The following CERS6 variants were observed in gnomAD, a reference collection of about 807,000 sequenced individuals.
CERS6 encodes ceramide synthase 6, also known as LAG1 homolog, ceramide synthase 6.
In CERS6, 26 loss-of-function variants were observed where a neutral mutation model predicts 56.8. The ratio of observed to expected loss-of-function variants is 0.46; its 90% confidence interval spans 0.34 to 0.63. CERS6 has a LOEUF of 0.63. Ranked by LOEUF, CERS6 falls within the 30% of genes least tolerant of loss-of-function variation. The pLI is 0.01. For synonymous variants in CERS6, 164 were observed against 173.3 expected (o/e 0.95, Z 0.42); for missense variants, 415 against 467.5 (o/e 0.89, Z 1.04).
chr2:168,519,055 A>G (rs796668948), intron 1 of CERS6, among the ~76,000 whole-genome samples: 15 of 152,258 alleles, frequency 9.9e-5, no homozygotes, highest in African/African-American at 3.6e-4. Flanking sequence ...AAAATCCTCC[A>G]GGAGATTGTG....
intron 1 of CERS6, among the ~76,000 whole-genome samples, chr2:168,505,172 TAG>T (rs1036154610): frequency 6.6e-6 from 1 of 151,762 alleles, no homozygotes; most frequent in Non-Finnish European, 1.5e-5. Context: ...GCCCAGGATT[TAG>T]AGAGAGAAGC....
At chr2:168,568,111 A>C (rs1392871740) in intron 3 of CERS6, among the ~76,000 whole-genome samples, 1 of 152,224 alleles carries the variant, frequency 6.6e-6, no homozygotes, top group Non-Finnish European at 1.5e-5. Context: ...TAAGGAAAAG[A>C]GATTTTTGCT....
At chr2:168,638,954 GT>G (rs1252469326) in intron 4 of CERS6, among the ~76,000 whole-genome samples, 34 of 152,050 alleles carry the variant, frequency 2.2e-4, no homozygotes, top group African/African-American at 8.0e-4. Flanking sequence ...TTATACAAGA[GT>G]TTCTGGATTT....
intron 6 of CERS6, among the ~76,000 whole-genome samples, chr2:168,699,084 G>A (rs1686740399): frequency 6.6e-6 from 1 of 152,178 alleles, no homozygotes; most frequent in African/African-American, 2.4e-5. Context: ...TTAGGGAGCT[G>A]CAGTGCTTGC....
At chr2:168,653,910 A>G (rs1461062656) in intron 4 of CERS6, among the ~76,000 whole-genome samples, 1 of 152,194 alleles carries the variant, frequency 6.6e-6, no homozygotes, top group African/African-American at 2.4e-5. Flanking sequence ...TCATATTAAT[A>G]TTGGAAAGAA....
intron 2 of CERS6, among the ~76,000 whole-genome samples, chr2:168,560,208 T>A (rs1410175483): frequency 2.6e-5 from 4 of 152,162 alleles, no homozygotes; most frequent in African/African-American, 9.7e-5. Context: ...TTGTGAGACT[T>A]ATTCACAATC....
chr2:168,609,048 T>G (rs900362762), intron 3 of CERS6, among the ~76,000 whole-genome samples: 1 of 152,270 alleles, frequency 6.6e-6, no homozygotes. Context: ...GTGCCAGGTT[T>G]ACCTGCTGCC....
Position 168,456,460 on chromosome 2 carries a change from C to A in CERS6, c.12C>A (p.Ile4=). The A allele has an allele frequency of 6.2e-7, 1 of 1,613,596 alleles. No homozygotes were observed. Among genetic ancestry groups the A allele is most frequent in the Non-Finnish European group, 8.5e-7 (1 of 1,179,680 alleles). MAG[I]LAWFWNERFW... The stretch of plus-strand genomic sequence containing the variant: ...GTGGACAAAGCAAGATGGCAGGGAT[C>A]TTAGCCTGGTTCTGGAACGAGAGGT... The change falls in exon 1 of 10, where the codon ATC becomes ATA. Residue 4 remains isoleucine (I), a synonymous_variant. Transcript: ENST00000305747. This position sits in a 1 kb window ranked among gnomAD's most constrained non-coding sequence, Gnocchi z 4.1.
intron 1 of CERS6, among the ~76,000 whole-genome samples, chr2:168,495,294 G>A (rs966014375): frequency 1.3e-5 from 2 of 152,150 alleles, no homozygotes; most frequent in Admixed American, 6.5e-5. Flanking sequence ...ACCATTCTCC[G>A]CTGAACCTGT....
intron 1 of CERS6, among the ~76,000 whole-genome samples, chr2:168,533,397 T>C (rs1439440987): frequency 6.6e-6 from 1 of 152,224 alleles, no homozygotes; most frequent in Non-Finnish European, 1.5e-5. Context: ...TAGATTGGAA[T>C]TGTTTGACGA....
intron 1 of CERS6, among the ~76,000 whole-genome samples, chr2:168,513,035 A>G (rs1169439906): frequency 6.6e-6 from 1 of 152,066 alleles, no homozygotes; most frequent in African/African-American, 2.4e-5. Context: ...TTAATTCTGC[A>G]GTCTCTCCTC....
In CERS6 at chr2:168,706,460, C is replaced by T. The variant is rs943938444; in HGVS notation, c.610-8541C>T. Among the ~76,000 whole-genome samples, 45 of 152,104 alleles carry T rather than the reference C, an allele frequency of 3.0e-4. 1 individual carries two copies. Among genetic ancestry groups the T allele is most frequent in the Non-Finnish European group, 1.5e-5 (1 of 68,020 alleles). On this transcript the variant is annotated intron_variant, in intron 6 of 9. Transcript: ENST00000305747. ...TGCTTATACAATGGTTATTTCATTT[C>T]TATATGTTTCTAGAAGCCATAAAGT...
At chr2:168,762,006 G>A (rs1233610048) in intron 8 of CERS6, among the ~76,000 whole-genome samples, 1 of 152,050 alleles carries the variant, frequency 6.6e-6, no homozygotes, top group Non-Finnish European at 1.5e-5. Context: ...GGGCCTGTCA[G>A]GGGGTCAGGG....
intron 6 of CERS6, among the ~76,000 whole-genome samples, chr2:168,695,942 T>C (rs1686634727): frequency 6.6e-6 from 1 of 152,194 alleles, no homozygotes; most frequent in African/African-American, 2.4e-5. Context: ...TTGATACTTT[T>C]TGAGTGTTAA....
chr2:168,746,819 AT>A (rs1684119062), intron 8 of CERS6, among the ~76,000 whole-genome samples: 2 of 93,582 alleles, frequency 2.1e-5, no homozygotes, highest in African/African-American at 8.3e-5. Context: ...ATATATATAT[AT>A]AAAATCATCT....
At chr2:168,554,482 T>C (rs988925305) in intron 2 of CERS6, among the ~76,000 whole-genome samples, 25 of 152,026 alleles carry the variant, frequency 1.6e-4, no homozygotes, top group Admixed American at 1.6e-3. Context: ...AACGGGACAA[T>C]TGGACACAGA....
rs1026270436 is a variant in CERS6, at chr2:168,690,946, A to C, written c.466-88A>C. On this transcript the variant is annotated intron_variant, in intron 4 of 9. Coordinates refer to ENST00000305747, the MANE Select transcript of CERS6 (RefSeq NM_203463.3). ...ACAGGTAAATTATTGAAATCCAAAA[A>C]TATTAGGGCAAGAGCCTATTGTAAA... 10 of 1,215,056 alleles carry C rather than the reference A, an allele frequency of 8.2e-6. No individual in the cohort carries two copies. In the African/African-American group the frequency reaches 1.5e-4, roughly 18 times the overall value. The allele number at this position is 1,215,056 out of a possible 1,614,324, so 75.3% of individuals were successfully genotyped here.
chr2:168,578,016 G>T (rs567286839), intron 3 of CERS6, among the ~76,000 whole-genome samples: 10 of 152,072 alleles, frequency 6.6e-5, no homozygotes, highest in Admixed American at 2.0e-4. Flanking sequence ...GCCCAGGAGT[G>T]GGGTGGAAAC....
intron 3 of CERS6, among the ~76,000 whole-genome samples, chr2:168,630,481 A>G: frequency 6.6e-6 from 1 of 152,190 alleles, no homozygotes; most frequent in East Asian, 1.9e-4. Flanking sequence ...AATTTGATTT[A>G]TTTAGATTCT....
Sources: allele counts gnomAD v4.1 joint callset (sites outside exome capture counted in the v4.1 genomes callset), GRCh38; gene constraint gnomAD v4.1.1; non-coding constraint Gnocchi (gnomAD v3.1); transcripts MANE v1.5; gene names NCBI Gene and HGNC (gene_info 2026-07-23, HGNC 2026-07-21).